Variants in GSN observed in about 807,000 individuals in gnomAD.
The protein encoded by GSN is actin-depolymerizing factor.
Under a neutral mutation model 85.7 loss-of-function variants are expected in GSN, and 56 were observed. That is an observed-to-expected ratio of 0.65 (90% CI 0.53 to 0.82). GSN has a LOEUF of 0.82. GSN is among the 40% of genes least tolerant of loss of function. GSN has a pLI of 0.00. For synonymous variants in GSN, 373 were observed against 399.1 expected (o/e 0.93, Z 0.78); for missense variants, 857 against 979.8 (o/e 0.87, Z 1.67).
At chr9:121,213,462 A>C (rs1366536395) in intron 4 of GSN, among the ~76,000 whole-genome samples, 1 of 152,168 alleles carries the variant, frequency 6.6e-6, no homozygotes, top group Admixed American at 6.5e-5. Flanking sequence ...TACTGCTCCC[A>C]TTTGTGTTGC....
At chr9:121,234,063 G>A (rs530981247) in intron 5 of GSN, among the ~76,000 whole-genome samples, 2 of 152,262 alleles carry the variant, frequency 1.3e-5, no homozygotes, top group South Asian at 4.1e-4. Context: ...CCTAAGCCTC[G>A]TGGGTCAAGA....
At chr9:121,235,990 G>C (rs1258010135) in intron 5 of GSN, among the ~76,000 whole-genome samples, 2 of 152,146 alleles carry the variant, frequency 1.3e-5, no homozygotes, top group African/African-American at 4.8e-5. Context: ...GAACTGGGTG[G>C]CTTAAAACAA....
chr9:121,247,167 C>G (rs548508786), intron 5 of GSN, among the ~76,000 whole-genome samples: 3 of 152,252 alleles, frequency 2.0e-5, no homozygotes, highest in Admixed American at 1.3e-4. Context: ...CCCGGCTGCC[C>G]CAGGGTGCTC....
At chr9:121,310,654 T>C in intron 4 of GSN, 30 bp from the exon 5 acceptor site, 1 of 1,611,284 alleles carries the variant, frequency 6.2e-7, no homozygotes, top group South Asian at 1.1e-5. Context: ...CCTTCTCCCC[T>C]GGGCTAATGC....
chr9:121,267,713 C>T (rs1260659396), upstream of GSN, among the ~76,000 whole-genome samples: 1 of 152,208 alleles, frequency 6.6e-6, no homozygotes, highest in East Asian at 1.9e-4. Flanking sequence ...GGGAGGGAAT[C>T]TCCCCTGCTT....
chr9:121,313,969 C>T lies in GSN; in HGVS notation c.699C>T (p.Thr233=), dbSNP rs762915330. Residue 233 remains threonine, a synonymous_variant, in exon 7 of 18, where the codon ACC becomes ACT. Coordinates refer to ENST00000432226, the MANE Select transcript of GSN (RefSeq NM_198252.3). ...LGPKPALPAG[T]EDTAKEDAAN... ...CCAAGCCGGCTCTGCCTGCAGGTAC[C>T]GAGGACACCGCCAAGGAGGATGCGG... The T allele has an allele frequency of 1.3e-5, 21 of 1,614,038 alleles. No homozygotes were observed. Among genetic ancestry groups the T allele is most frequent in the African/African-American group, 9.3e-5 (7 of 74,938 alleles).
intron 10 of GSN, among the ~76,000 whole-genome samples, chr9:121,320,009 G>A (rs1342491681): frequency 6.6e-6 from 1 of 152,190 alleles, no homozygotes; most frequent in East Asian, 1.9e-4. Context: ...TAGGGAGAAT[G>A]CAATGAAAAT....
chr9:121,239,829 T>G, intron 5 of GSN: 1 of 240,474 alleles, frequency 4.2e-6, no homozygotes. Flanking sequence ...CACCAACTTC[T>G]AGAACTTGCC....
intron 5 of GSN, among the ~76,000 whole-genome samples, chr9:121,244,474 C>G (rs975131030): frequency 1.1e-4 from 17 of 152,198 alleles, no homozygotes; most frequent in Non-Finnish European, 5.9e-5. Context: ...TATGAGAGTT[C>G]CAGTTGCTCC....
intron 2 of GSN, chr9:121,284,922 T>G (rs2057882842): frequency 6.0e-6 from 1 of 167,340 alleles, no homozygotes; most frequent in Admixed American, 6.5e-5. Flanking sequence ...CACAGCAACA[T>G]CCTCAACGCC....
intron 1 of GSN, among the ~76,000 whole-genome samples, chr9:121,278,088 T>G (rs2056890745): frequency 6.6e-6 from 1 of 151,768 alleles, no homozygotes; most frequent in Non-Finnish European, 1.5e-5. Context: ...AGGCCCAGCC[T>G]TATAGCTTTG....
At chr9:121,211,634 G>A (rs768264501) in intron 4 of GSN, among the ~76,000 whole-genome samples, 3 of 152,188 alleles carry the variant, frequency 2.0e-5, no homozygotes, top group Non-Finnish European at 4.4e-5. Context: ...CCAGCGGTGT[G>A]ACCTTGGCTG....
intron 2 of GSN, chr9:121,286,175 C>T (rs2058048399): frequency 6.5e-7 from 1 of 1,533,330 alleles, no homozygotes. Context: ...AGGGGCAATT[C>T]TGACCCATGG....
At chr9:121,262,127 TAC>T (rs1190469016) in intron 6 of GSN, among the ~76,000 whole-genome samples, 1 of 152,220 alleles carries the variant, frequency 6.6e-6, no homozygotes, top group Non-Finnish European at 1.5e-5. Context: ...ATATGAAGTG[TAC>T]AGAGAGGGGC....
At chr9:121,297,940 A>G (rs1410335170) in intron 2 of GSN, 1 of 152,118 alleles carries the variant, frequency 6.6e-6, no homozygotes, top group Non-Finnish European at 1.5e-5. Flanking sequence ...TTATGCTTCC[A>G]TTAAGAGCCT....
At position 121,261,819 on chromosome 9, in the gene GSN, A is replaced by G. The variant is rs2055092510; in HGVS notation, c.-340-3335A>G. On this transcript the variant is annotated intron_variant, in intron 6 of 24. Coordinates refer to the GSN transcript ENST00000373823. This position sits in a 1 kb window ranked among gnomAD's most constrained non-coding sequence, Gnocchi z 4.1. ...AGCCCTTTATATGCCTGAGGCCTTG[A>G]CACAGAGAATTCATTTAATTTCCCC... 6.6e-6 allele frequency among the ~76,000 whole-genome samples: 1 copy of G among 152,192 alleles called. No individual in the cohort carries two copies. Among genetic ancestry groups the G allele is most frequent in the Admixed American group, 6.5e-5 (1 of 15,280 alleles).
chr9:121,324,751 G>GTCCATCCA lies in GSN; in HGVS notation c.1416+145_1416+152dup, dbSNP rs57419831. 2.5e-3 allele frequency: 1,697 copies of GTCCATCCA among 679,624 alleles called. 8 individuals are homozygous for GTCCATCCA. Among genetic ancestry groups the GTCCATCCA allele is most frequent in the East Asian group, 0.014 (502 of 35,484 alleles). The allele number at this position is 679,624 out of a possible 1,614,324, so 42.1% of individuals were successfully genotyped here. On this transcript the variant is annotated intron_variant, in intron 12 of 17. Coordinates refer to ENST00000432226, the MANE Select transcript of GSN (RefSeq NM_198252.3). ...CATTCGTTTGTCCATCTGTCTGTCTGTCCATCCATCCATCCATCCATCCAT... is the reference window on the plus strand; with the variant it reads ...CATTCGTTTGTCCATCTGTCTGTCTGTCCATCCATCCATCCATCCATCCATCCATCCAT...
chr9:121,272,460 C>T (rs2056116072), intron 1 of GSN, among the ~76,000 whole-genome samples: 1 of 152,200 alleles, frequency 6.6e-6, no homozygotes, highest in Non-Finnish European at 1.5e-5. Flanking sequence ...CTCTGATGGC[C>T]TCTGAGTTGG....
chr9:121,292,729 TCA>T (rs2058812294), intron 2 of GSN, among the ~76,000 whole-genome samples: 1 of 152,130 alleles, frequency 6.6e-6, no homozygotes, highest in African/African-American at 2.4e-5. Context: ...GGTTGGAAGG[TCA>T]CTTGTCCTCA....
Sources: allele counts gnomAD v4.1 joint callset (sites outside exome capture counted in the v4.1 genomes callset), GRCh38; gene constraint gnomAD v4.1.1; non-coding constraint Gnocchi (gnomAD v3.1); transcripts MANE v1.5; gene names NCBI Gene and HGNC (gene_info 2026-07-23, HGNC 2026-07-21).